The following HHAT variants were observed in gnomAD, a reference collection of about 807,000 sequenced individuals.
HHAT encodes the protein protein-cysteine N-palmitoyltransferase HHAT.
A neutral mutation model predicts 70.8 loss-of-function variants in HHAT; 47 were observed. The ratio of observed to expected loss-of-function variants is 0.66; its 90% confidence interval spans 0.53 to 0.85. The LOEUF (loss-of-function observed/expected upper bound fraction) is 0.85, where lower values mean the gene tolerates loss of function less well. Among genes scored for constraint, HHAT ranks in the 40% least tolerant of loss-of-function variants. The pLI, the probability that HHAT is intolerant of heterozygous loss-of-function variation, is 0.00. For synonymous variants in HHAT, 228 were observed against 247.6 expected (o/e 0.92, Z 0.74); for missense variants, 609 against 604.8 (o/e 1.01, Z -0.07).
At chr1:210,636,649 A>G (rs540806824) in intron 11 of HHAT, among the ~76,000 whole-genome samples, 1 of 152,330 alleles carries the variant, frequency 6.6e-6, no homozygotes, top group South Asian at 2.1e-4. Flanking sequence ...TGACAATTTT[A>G]GAATTCTATT....
chr1:210,567,174 G>T (rs1293706483), intron 9 of HHAT, among the ~76,000 whole-genome samples: 2 of 152,176 alleles, frequency 1.3e-5, no homozygotes, highest in Admixed American at 6.5e-5. Flanking sequence ...CAAGAATAGT[G>T]CCCATTTTGA....
At chr1:210,398,395 T>A (rs986309745) in intron 4 of HHAT, among the ~76,000 whole-genome samples, 2 of 152,158 alleles carry the variant, frequency 1.3e-5, no homozygotes, top group Non-Finnish European at 2.9e-5. Flanking sequence ...GTATTAAGTG[T>A]CGTCTGCCTG....
intron 10 of HHAT, among the ~76,000 whole-genome samples, chr1:210,612,404 T>C (rs1666787473): frequency 6.6e-6 from 1 of 152,148 alleles, no homozygotes; most frequent in Non-Finnish European, 1.5e-5. Context: ...AACCATACAA[T>C]GTTTGTCCCT....
At chr1:210,471,459 T>G (rs1191293758) in intron 8 of HHAT, among the ~76,000 whole-genome samples, 1 of 151,840 alleles carries the variant, frequency 6.6e-6, no homozygotes, top group Non-Finnish European at 1.5e-5. Flanking sequence ...GGGATTCAAT[T>G]CAGACTTGGC....
intron 9 of HHAT, among the ~76,000 whole-genome samples, chr1:210,576,611 A>G (rs1657825598): frequency 6.6e-6 from 1 of 152,186 alleles, no homozygotes; most frequent in South Asian, 2.1e-4. Flanking sequence ...ACGTATGTTT[A>G]CATATGTAAC....
chr1:210,484,144 C>T (rs1274637046), intron 8 of HHAT, among the ~76,000 whole-genome samples: 3 of 152,172 alleles, frequency 2.0e-5, no homozygotes, highest in African/African-American at 4.8e-5. Flanking sequence ...TTATTAACCC[C>T]AAGCCTGATT....
At chr1:210,424,833 G>A (rs1194306827) in intron 7 of HHAT, among the ~76,000 whole-genome samples, 1 of 152,132 alleles carries the variant, frequency 6.6e-6, no homozygotes, top group East Asian at 1.9e-4. Flanking sequence ...CTTTGTAACA[G>A]CACTATTTAT....
At chr1:210,439,343 C>G (rs992393229) in intron 7 of HHAT, among the ~76,000 whole-genome samples, 5 of 151,772 alleles carry the variant, frequency 3.3e-5, no homozygotes, top group African/African-American at 1.2e-4. Context: ...TTATTACTTC[C>G]TCTCTTGACT....
intron 3 of HHAT, among the ~76,000 whole-genome samples, chr1:210,363,726 G>A (rs1331593962): frequency 1.3e-5 from 2 of 152,126 alleles, no homozygotes; most frequent in Non-Finnish European, 1.5e-5. Context: ...TGTTTTCTAA[G>A]TATTTTTATA....
intron 7 of HHAT, among the ~76,000 whole-genome samples, chr1:210,461,111 C>T (rs2093970381): frequency 1.3e-5 from 2 of 152,104 alleles, no homozygotes; most frequent in Admixed American, 6.5e-5. Flanking sequence ...ATAACAAAAG[C>T]TAGTTCAATT....
chr1:210,559,027 G>A (rs575707967), intron 9 of HHAT, among the ~76,000 whole-genome samples: 26 of 152,152 alleles, frequency 1.7e-4, no homozygotes, highest in African/African-American at 5.5e-4. Context: ...AATCCCGTTC[G>A]GTCAGTTCAT....
At chr1:210,544,367 G>GTTTTTTTTTTTTTTTTTTTTTTTTTTC (rs569514246) in intron 9 of HHAT, among the ~76,000 whole-genome samples, 3 of 90,066 alleles carry the variant, frequency 3.3e-5, no homozygotes, top group African/African-American at 4.3e-5. Flanking sequence ...TCTTTCTTTC[G>GTTTTTTTTTTTTTTTTTTTTTTTTTTC]TTTTTTTTTT....
At chr1:210,391,647 A>G (rs1231760343) in intron 4 of HHAT, among the ~76,000 whole-genome samples, 1 of 152,256 alleles carries the variant, frequency 6.6e-6, no homozygotes, top group East Asian at 1.9e-4. Context: ...AAAAAATGTT[A>G]AATTCATTAG....
At chr1:210,525,364 T>C (rs1448043066) in intron 9 of HHAT, among the ~76,000 whole-genome samples, 1 of 152,168 alleles carries the variant, frequency 6.6e-6, no homozygotes, top group Admixed American at 6.5e-5. Flanking sequence ...ATCACAGTCA[T>C]GTCAATGTCC....
chr1:210,541,860 C>T (rs917373357), intron 9 of HHAT, among the ~76,000 whole-genome samples: 6 of 152,200 alleles, frequency 3.9e-5, no homozygotes, highest in East Asian at 1.9e-4. Flanking sequence ...GGCCTGGGAA[C>T]GATTTGCTGT....
At chr1:210,415,617 C>T (rs575073012) in intron 6 of HHAT, among the ~76,000 whole-genome samples, 2 of 152,152 alleles carry the variant, frequency 1.3e-5, no homozygotes, top group South Asian at 2.1e-4. Context: ...CTGAAGTGAC[C>T]TGAGGGAAAC....
chr1:210,353,647 G>A (rs561471840), intron 2 of HHAT, among the ~76,000 whole-genome samples: 43 of 151,726 alleles, frequency 2.8e-4, no homozygotes, highest in African/African-American at 1.0e-3. Flanking sequence ...AAATTTTTTG[G>A]TGTTTCATTA....
intron 5 of HHAT, among the ~76,000 whole-genome samples, chr1:210,401,215 A>G (rs1205366745): frequency 3.3e-5 from 5 of 152,144 alleles, no homozygotes; most frequent in African/African-American, 1.2e-4. Context: ...CCTGGGTTCA[A>G]GCGATTCTCG....
intron 9 of HHAT, among the ~76,000 whole-genome samples, chr1:210,547,802 G>A (rs567851614): frequency 3.3e-5 from 5 of 152,192 alleles, no homozygotes; most frequent in East Asian, 1.9e-4. Context: ...GAACCTCACC[G>A]AACAACCTAT....
Sources: gnomAD v4.1 joint callset for allele counts (sites outside exome capture counted in the v4.1 genomes callset) on GRCh38, gnomAD v4.1.1 for gene constraint, MANE v1.5 for transcripts, NCBI Gene and HGNC (gene_info 2026-07-23, HGNC 2026-07-21) for gene names.